The following IL27RA variants were observed in gnomAD, a reference collection of about 807,000 sequenced individuals.
IL27RA encodes interleukin 27 receptor subunit alpha, also known as interleukin-27 receptor subunit alpha.
A neutral mutation model predicts 80.8 loss-of-function variants in IL27RA; 61 were observed. That is an observed-to-expected ratio of 0.76 (90% CI 0.61 to 0.93). The LOEUF (loss-of-function observed/expected upper bound fraction) is 0.93, where lower values mean the gene tolerates loss of function less well. Ranked by LOEUF, IL27RA falls within the 40% of genes least tolerant of loss-of-function variation. The pLI is 0.00. For synonymous variants in IL27RA, 316 were observed against 332.5 expected (o/e 0.95, Z 0.54); for missense variants, 735 against 808.1 (o/e 0.91, Z 1.10).
At chr19:14,047,038 C>G (rs1055644229) in intron 8 of IL27RA, among the ~76,000 whole-genome samples, 5 of 151,072 alleles carry the variant, frequency 3.3e-5, no homozygotes, top group African/African-American at 1.2e-4. Context: ...TGAATTCACA[C>G]AAGACTTTTT....
intron 8 of IL27RA, among the ~76,000 whole-genome samples, chr19:14,047,431 T>A (rs1303491273): frequency 6.6e-6 from 1 of 150,840 alleles, no homozygotes; most frequent in African/African-American, 2.4e-5. Flanking sequence ...CTCAGCTCAC[T>A]GCAGCCTTCA....
intron 8 of IL27RA, among the ~76,000 whole-genome samples, chr19:14,047,247 A>C (rs1252853377): frequency 1.4e-5 from 2 of 143,146 alleles, no homozygotes; most frequent in Admixed American, 7.1e-5. Flanking sequence ...ACGGGGTTTC[A>C]CCATGTTGGT....
Position 14,051,602 on chromosome 19 carries a change from AC to A in IL27RA, c.1529-3del. 3 of 1,548,480 alleles carry A rather than the reference AC, an allele frequency of 1.9e-6. No homozygotes were observed. Among genetic ancestry groups the A allele is most frequent in the Non-Finnish European group, 2.7e-6 (3 of 1,131,392 alleles). ...TTAAGAATGATCTCTTCCCTACCCT[AC>A]CAGATAACACCCTGAGGTGGAAAGT... On this transcript the variant is annotated splice_region_variant and splice_polypyrimidine_tract_variant and intron_variant, in intron 11 of 13. Coordinates refer to ENST00000263379, the MANE Select transcript of IL27RA (RefSeq NM_004843.4).
In IL27RA at chr19:14,051,603, C is replaced by T; in HGVS notation, c.1529-4C>T. The stretch of plus-strand genomic sequence containing the variant: ...TAAGAATGATCTCTTCCCTACCCTA[C>T]CAGATAACACCCTGAGGTGGAAAGT... On this transcript the variant is annotated splice_polypyrimidine_tract_variant and splice_region_variant and intron_variant, in intron 11 of 13. Coordinates refer to ENST00000263379, the MANE Select transcript of IL27RA (RefSeq NM_004843.4). 2 of 1,557,236 alleles carry T rather than the reference C, an allele frequency of 1.3e-6. No homozygotes were observed. Among genetic ancestry groups the T allele is most frequent in the South Asian group, 1.1e-5 (1 of 87,496 alleles).
chr19:14,046,027 A>G, intron 6 of IL27RA, 127 bp from the exon 7 acceptor site: 1 of 868,536 alleles, frequency 1.2e-6, no homozygotes, highest in Non-Finnish European at 1.8e-6. Context: ...CTCCGTCTCA[A>G]AAAACAAACA....
intron 2 of IL27RA, among the ~76,000 whole-genome samples, chr19:14,032,863 C>T (rs928385714): frequency 2.0e-5 from 3 of 151,062 alleles, no homozygotes; most frequent in African/African-American, 7.3e-5. Context: ...GAGTCTGCCC[C>T]CCTCCCCCAA....
At chr19:14,043,715 C>T (rs930390210) in intron 6 of IL27RA, among the ~76,000 whole-genome samples, 3 of 151,676 alleles carry the variant, frequency 2.0e-5, no homozygotes, top group Non-Finnish European at 4.4e-5. Context: ...GGAGCCACCG[C>T]GCCTGGCCTG....
chr19:14,046,325 T>C lies in IL27RA; in HGVS notation c.940T>C (p.Leu314=), dbSNP rs1307668933. 6.2e-7 allele frequency: 1 copy of C among 1,613,824 alleles called. No individual in the cohort carries two copies. The highest frequency in any genetic ancestry group is 1.3e-5 in the African/African-American group (1 of 75,030). The change falls in exon 7 of 14, where the codon TTG becomes CTG. Residue 314 remains leucine (L), a synonymous_variant. Transcript: ENST00000263379. Reference sequence around the variant, plus strand: ...CTGGGAGCCTCTCACCAACCTCTCTTTGGTCTGCTTGGGTAAGAGACTGTG... The same window carrying C: ...CTGGGAGCCTCTCACCAACCTCTCTCTGGTCTGCTTGGGTAAGAGACTGTG... ...TSWEPLTNLS[L]VCLDSASAPR... is the part of the protein sequence containing the mutation.
chr19:14,043,480 C>T (rs1341195117), intron 6 of IL27RA, among the ~76,000 whole-genome samples: 4 of 151,672 alleles, frequency 2.6e-5, no homozygotes, highest in Non-Finnish European at 2.9e-5. Flanking sequence ...AGTGCAGCAG[C>T]GTCATCTCAT....
In IL27RA at chr19:14,052,183, C is replaced by G; in HGVS notation, c.1804C>G (p.Pro602Ala). Residue 602 changes from proline to alanine, a missense_variant, in exon 14 of 14, where the codon CCC (proline) becomes GCC (alanine). Transcript: ENST00000263379. ...CCCGCCGGTTATGGAGTCCTCCCAG[C>G]CCGCCCAGGCCACCGCCCCGCTTGA... The part of the protein sequence containing the change: ...EPPPVMESSQ[P>A]AQATAPLDSG... 6.2e-7 allele frequency: 1 copy of G among 1,612,076 alleles called. No homozygotes were observed. The highest frequency in any genetic ancestry group is 8.5e-7 in the Non-Finnish European group (1 of 1,179,152).
chr19:14,041,098 T>C (rs754288560), intron 4 of IL27RA, among the ~76,000 whole-genome samples: 21 of 151,326 alleles, frequency 1.4e-4, no homozygotes, highest in Non-Finnish European at 2.8e-4. Flanking sequence ...AGACGGGGTT[T>C]CTCCATGTTG....
At chr19:14,034,463 C>T (rs1409750670) in intron 2 of IL27RA, among the ~76,000 whole-genome samples, 2 of 151,784 alleles carry the variant, frequency 1.3e-5, no homozygotes, top group African/African-American at 4.8e-5. Flanking sequence ...AGTTGCAGAC[C>T]AGCCTGGCCA....
intron 2 of IL27RA, among the ~76,000 whole-genome samples, chr19:14,033,595 G>A (rs1975853413): frequency 6.6e-6 from 1 of 151,846 alleles, no homozygotes; most frequent in Non-Finnish European, 1.5e-5. Context: ...AACCCAGGAG[G>A]CAGAGGTTGC....
intron 8 of IL27RA, 114 bp downstream of exon 8, chr19:14,046,732 C>T (rs1282968376): frequency 1.1e-5 from 11 of 1,035,646 alleles, no homozygotes; most frequent in East Asian, 1.0e-4. Flanking sequence ...CTTGGTGGCT[C>T]ATGCCTGTAA....
rs754327642 is a variant in IL27RA at position 14,046,164 on chromosome 19, C to T, written c.779C>T (p.Pro260Leu). The change falls in exon 7 of 14, where the codon CCC (proline) becomes CTC (leucine). Residue 260 changes from proline to leucine, a missense_variant. Physicochemically the swap from Pro to Leu is moderately conservative, Grantham distance 98 (BLOSUM62 -3). Transcript: ENST00000263379. ...EPLLLWKAPG[P>L]CVQVSYKVWF... ...CCCTTCATCTCTCAGGCCCCAGGGC[C>T]CTGTGTGCAGGTGAGCTACAAAGTC... The T allele has an allele frequency of 1.2e-6, 2 of 1,613,972 alleles. No individual in the cohort carries two copies. Among genetic ancestry groups the T allele is most frequent in the Non-Finnish European group, 1.7e-6 (2 of 1,179,904 alleles).
chr19:14,053,179 G>C lies in IL27RA; in HGVS notation c.*889G>C, dbSNP rs1193611810. The C allele has an allele frequency of 6.4e-6, 1 of 156,680 alleles. No homozygotes were observed. 9.7% of individuals were successfully genotyped at this position (156,680 alleles called of 1,614,324 possible). ...GAATCCCTGAATGACTGCATGGATA[G>C]AACCACTAAGAAAAATAAACTTTTA... On this transcript the variant is annotated 3_prime_UTR_variant, in exon 14 of 14. Transcript: ENST00000263379.
At chr19:14,032,805 C>CAAAA (rs60328140) in intron 2 of IL27RA, among the ~76,000 whole-genome samples, 11 of 60,776 alleles carry the variant, frequency 1.8e-4, no homozygotes, top group Non-Finnish European at 3.2e-4. Flanking sequence ...GACTCTGTCT[C>CAAAA]AAAAAAAAAA....
rs1976150902 is a variant in IL27RA at position 14,050,833 on chromosome 19, C to G, written c.1478C>G (p.Thr493Ser). The change falls in exon 11 of 14, where the codon ACC becomes AGC. Residue 493 changes from threonine (T) to serine (S), a missense_variant. Physicochemically the swap from Thr to Ser is moderately conservative, Grantham distance 58. Transcript: ENST00000263379. ...TGTGAGCTGTGGGTGACAGCATCTACCATCGCTGGACAGGGCCCTCCTGGT... is the reference window on the plus strand; with the variant it reads ...TGTGAGCTGTGGGTGACAGCATCTAGCATCGCTGGACAGGGCCCTCCTGGT... Reference protein sequence around the residue: ...GPCELWVTASTIAGQGPPGPI... With the variant: ...GPCELWVTASSIAGQGPPGPI... 1 of 1,613,578 alleles carries G rather than the reference C, an allele frequency of 6.2e-7. No homozygotes were observed. Among genetic ancestry groups the G allele is most frequent in the Non-Finnish European group, 8.5e-7 (1 of 1,179,588 alleles).
chr19:14,052,542 T>A lies in IL27RA; in HGVS notation c.*252T>A, dbSNP rs1324899508. On this transcript the variant is annotated 3_prime_UTR_variant, in exon 14 of 14. Transcript: ENST00000263379. ...AATACATGAAATTGAGAGTGGCAGC[T>A]GCCTGCCAAAATCTGTTCCGCTGTA... 2.5e-6 allele frequency: 1 copy of A among 406,384 alleles called. No homozygotes were observed. The highest frequency in any genetic ancestry group is 2.1e-5 in the African/African-American group (1 of 48,246). 25.2% of individuals were successfully genotyped at this position (406,384 alleles called of 1,614,324 possible). A position where few individuals can be genotyped will look rare whatever the true frequency, so the allele number is the denominator to read the frequency against.
Sources: gnomAD v4.1 joint callset for allele counts (sites outside exome capture counted in the v4.1 genomes callset) on GRCh38, gnomAD v4.1.1 for gene constraint, MANE v1.5 for transcripts, NCBI Gene and HGNC (gene_info 2026-07-23, HGNC 2026-07-21) for gene names.